Variants in STAB2 observed in about 807,000 individuals in gnomAD.
STAB2 encodes stabilin-2.
Under a neutral mutation model 338.1 loss-of-function variants are expected in STAB2, and 288 were observed. The ratio of observed to expected loss-of-function variants is 0.85; its 90% CI spans 0.77 to 0.94. STAB2 has a LOEUF of 0.94. Ranked by LOEUF, STAB2 falls within the 40% of genes least tolerant of loss-of-function variation. The pLI, the probability that STAB2 is intolerant of heterozygous loss-of-function variation, is 0.00. For missense variants in STAB2, 3,141 were observed against 3,210.1 expected, an observed-to-expected ratio of 0.98 and a Z score of 0.52; for synonymous variants, 1,202 against 1,193.3, an observed-to-expected ratio of 1.01 and a Z score of -0.15.
At chr12:103,625,208 A>AC (rs932629279) in intron 5 of STAB2, among the ~76,000 whole-genome samples, 4 of 152,182 alleles carry the variant, frequency 2.6e-5, no homozygotes, top group African/African-American at 9.7e-5. Context: ...TAGGAAGAAG[A>AC]CCCATGTTAT....
chr12:103,766,152 A>G (rs767082324), intron 68 of STAB2, 134 bp from the exon 69 acceptor site: 1 of 1,250,236 alleles, frequency 8.0e-7, no homozygotes, highest in East Asian at 2.4e-5. Flanking sequence ...CAGCAGCACA[A>G]ACAAACACGC....
intron 11 of STAB2, among the ~76,000 whole-genome samples, chr12:103,652,098 A>G (rs986274600): frequency 2.0e-5 from 3 of 152,236 alleles, no homozygotes; most frequent in Non-Finnish European, 2.9e-5. Flanking sequence ...ATTTGATCCC[A>G]TGGATTTCAA....
At chr12:103,755,179 G>A (rs768598841) in intron 61 of STAB2, 123 bp from the exon 62 acceptor site, 10 of 1,352,952 alleles carry the variant, frequency 7.4e-6, no homozygotes, top group Middle Eastern at 1.9e-4. Context: ...AGGCACAGAG[G>A]TGCAATAGGC....
At chr12:103,752,222 A>G (rs941181338) in intron 60 of STAB2, among the ~76,000 whole-genome samples, 2 of 152,210 alleles carry the variant, frequency 1.3e-5, no homozygotes, top group Non-Finnish European at 2.9e-5. Flanking sequence ...GATAAAATAT[A>G]TTGATATACA....
chr12:103,689,872 A>G lies in STAB2; in HGVS notation c.3072A>G (p.Ser1024=). The G allele has an allele frequency of 1.2e-6, 2 of 1,614,060 alleles. No individual in the cohort carries two copies. The highest frequency in any genetic ancestry group is 1.7e-6 in the Non-Finnish European group (2 of 1,179,982). The change falls in exon 29 of 69, where the codon TCA becomes TCG. Residue 1024 remains serine (S), a synonymous_variant. Coordinates refer to ENST00000388887, the MANE Select transcript of STAB2 (RefSeq NM_017564.10). ...ATGCTTCTCTACAACCCACACTGTCAGCCACCTCAAACCTCACTGTCCTCG... is the reference window on the plus strand; with the variant it reads ...ATGCTTCTCTACAACCCACACTGTCGGCCACCTCAAACCTCACTGTCCTCG... ...INNASLQPTL[S]ATSNLTVLVP...
At chr12:103,610,535 C>T (rs1225099334) in intron 3 of STAB2, among the ~76,000 whole-genome samples, 5 of 151,988 alleles carry the variant, frequency 3.3e-5, no homozygotes, top group Admixed American at 6.6e-5. Flanking sequence ...GTGGTGATAT[C>T]GCCTTTATCA....
intron 40 of STAB2, among the ~76,000 whole-genome samples, 154 bp downstream of exon 40, chr12:103,711,670 G>A (rs1320796100): frequency 6.6e-6 from 1 of 152,188 alleles, no homozygotes; most frequent in African/African-American, 2.4e-5. Context: ...TATCTCTGAA[G>A]AGGCCACTAT....
At chr12:103,659,639 T>C (rs544472590) in intron 15 of STAB2, among the ~76,000 whole-genome samples, 1 of 152,306 alleles carries the variant, frequency 6.6e-6, no homozygotes, top group African/African-American at 2.4e-5. Context: ...CCTGTGTTCC[T>C]CAACTCTGCA....
At chr12:103,617,156 G>A (rs1648513837) in intron 3 of STAB2, among the ~76,000 whole-genome samples, 1 of 152,166 alleles carries the variant, frequency 6.6e-6, no homozygotes, top group Non-Finnish European at 1.5e-5. Context: ...GAGAGCTCTA[G>A]ATCTCTTCCC....
chr12:103,738,127 A>G (rs1039582242), intron 53 of STAB2, among the ~76,000 whole-genome samples: 1 of 152,126 alleles, frequency 6.6e-6, no homozygotes, highest in African/African-American at 2.4e-5. Flanking sequence ...TTCAACAAAT[A>G]TTTGTTGAAT....
At chr12:103,610,500 G>T (rs1957104951) in intron 3 of STAB2, among the ~76,000 whole-genome samples, 1 of 152,092 alleles carries the variant, frequency 6.6e-6, no homozygotes, top group African/African-American at 2.4e-5. Context: ...ATTATCTGAT[G>T]GTAGTTTGTA....
chr12:103,658,750 T>C (rs1179671382), intron 15 of STAB2, among the ~76,000 whole-genome samples: 1 of 152,096 alleles, frequency 6.6e-6, no homozygotes, highest in East Asian at 1.9e-4. Context: ...GGCACAAATG[T>C]TTATGGAAAA....
intron 3 of STAB2, among the ~76,000 whole-genome samples, chr12:103,608,810 AT>A (rs1163660551): frequency 6.6e-6 from 1 of 152,150 alleles, no homozygotes; most frequent in Non-Finnish European, 1.5e-5. Context: ...TAGGGTTTTT[AT>A]GGTTTTAGGT....
intron 21 of STAB2, among the ~76,000 whole-genome samples, chr12:103,670,222 G>A (rs1308056267): frequency 3.3e-5 from 5 of 152,186 alleles, no homozygotes; most frequent in African/African-American, 9.7e-5. Flanking sequence ...ACAAATGACT[G>A]CGGCCAGGGG....
At chr12:103,675,837 G>T in intron 23 of STAB2, 91 bp from the exon 24 acceptor site, 2 of 965,236 alleles carry the variant, frequency 2.1e-6, no homozygotes, top group South Asian at 1.6e-5. Flanking sequence ...GGAGCCATTT[G>T]GCCAGGAACT....
At chr12:103,603,850 C>A (rs931271571) in intron 3 of STAB2, among the ~76,000 whole-genome samples, 1 of 152,162 alleles carries the variant, frequency 6.6e-6, no homozygotes, top group Admixed American at 6.5e-5. Flanking sequence ...TGCATAACGA[C>A]CCCGTAGCTC....
intron 50 of STAB2, among the ~76,000 whole-genome samples, chr12:103,731,999 G>A (rs1432742136): frequency 1.3e-5 from 2 of 152,186 alleles, no homozygotes; most frequent in Non-Finnish European, 2.9e-5. Context: ...TGCCTGTGAG[G>A]CAGGTAGAAA....
chr12:103,737,970 A>T (rs1882290297), intron 53 of STAB2, among the ~76,000 whole-genome samples, 190 bp downstream of exon 53: 1 of 152,172 alleles, frequency 6.6e-6, no homozygotes, highest in Non-Finnish European at 1.5e-5. Flanking sequence ...AGCCCCACAC[A>T]GCCTGGAATA....
At position 103,677,622 on chromosome 12, in the gene STAB2, T is replaced by A. The variant is rs755041995; in HGVS notation, c.2805+11T>A. The A allele has an allele frequency of 3.7e-6, 6 of 1,605,388 alleles. No homozygotes were observed. The highest frequency in any genetic ancestry group is 2.6e-6 in the Non-Finnish European group (3 of 1,172,690). On this transcript the variant is annotated intron_variant, in intron 25 of 68. Transcript: ENST00000388887. ...GTGGGTCCCGGGCAGGTAGGTTGGA[T>A]GTCATGAGAGCAAAGAGAAAGCAGG...
Sources: allele counts gnomAD v4.1 joint callset (sites outside exome capture counted in the v4.1 genomes callset), GRCh38; gene constraint gnomAD v4.1.1; transcripts MANE v1.5; gene names NCBI Gene and HGNC (gene_info 2026-07-23, HGNC 2026-07-21).